Variants in MAP4 observed in about 807,000 individuals in gnomAD.
MAP4 encodes the protein microtubule-associated protein 4.
In MAP4, 76 loss-of-function variants were observed where a neutral mutation model predicts 170.2. The observed-to-expected ratio is 0.45, with a 90% CI of 0.37 to 0.54. MAP4 has a LOEUF of 0.54. Among genes scored for constraint, MAP4 ranks in the 20% least tolerant of loss-of-function variants. The probability of loss-of-function intolerance (pLI) is 0.00; values close to 1 mark genes in which losing one functional copy is unlikely to be tolerated. For synonymous variants in MAP4, 909 were observed against 994.5 expected, an observed-to-expected ratio of 0.91 and a Z score of 1.62; for missense variants, 2,506 against 2,748.0, an observed-to-expected ratio of 0.91 and a Z score of 1.97.
At chr3:47,992,903 TAA>T (rs79093019) in intron 2 of MAP4, among the ~76,000 whole-genome samples, 36 of 117,706 alleles carry the variant, frequency 3.1e-4, no homozygotes, top group Admixed American at 2.7e-4. Flanking sequence ...CACTCCATCT[TAA>T]AAAAAAAAAA....
intron 2 of MAP4, among the ~76,000 whole-genome samples, chr3:47,988,201 A>T (rs1430172673): frequency 1.3e-5 from 2 of 151,990 alleles, no homozygotes; most frequent in African/African-American, 4.8e-5. Flanking sequence ...CTCAAAAAAA[A>T]AAAAAAAGAA....
chr3:48,078,997 G>A (rs2100145240), intron 1 of MAP4, among the ~76,000 whole-genome samples: 2 of 151,668 alleles, frequency 1.3e-5, no homozygotes, highest in Non-Finnish European at 2.9e-5. Context: ...ATGGTGAAAC[G>A]CTGTCTCTAC....
chr3:47,950,323 T>A (rs2100062888), intron 3 of MAP4, among the ~76,000 whole-genome samples: 1 of 152,116 alleles, frequency 6.6e-6, no homozygotes, highest in Admixed American at 6.5e-5. Flanking sequence ...GTACAAAAAG[T>A]AGGGTGATCT....
In MAP4 at chr3:47,928,335, A is replaced by G. The variant is rs745834831; in HGVS notation, c.308T>C (p.Phe103Ser). Residue 103 changes from phenylalanine to serine, a missense_variant, in exon 4 of 21, where the codon TTC becomes TCC. This residue lies in a region of MAP4 where 2,008 missense variants were observed against 2,206.0 expected (regional missense o/e 0.91). Coordinates refer to ENST00000683076, the MANE Select transcript of MAP4 (RefSeq NM_001385682.1). Reference sequence around the variant, plus strand: ...CTGGTAGGCCATTTTCTCTTCAAGGAATTCAGTTGGAGACCCTTAAAATAG... The same window carrying G: ...CTGGTAGGCCATTTTCTCTTCAAGGGATTCAGTTGGAGACCCTTAAAATAG... ...GSDTTGSPTE[F>S]LEEKMAYQEY... is the part of the protein sequence containing the mutation. 36 of 1,613,992 alleles carry G rather than the reference A, an allele frequency of 2.2e-5. No homozygotes were observed. The highest frequency in any genetic ancestry group is 3.0e-5 in the Non-Finnish European group (35 of 1,180,004).
chr3:47,991,533 G>A (rs1184655585), intron 2 of MAP4, among the ~76,000 whole-genome samples: 7 of 152,122 alleles, frequency 4.6e-5, no homozygotes, highest in Non-Finnish European at 8.8e-5. Flanking sequence ...CAAGGCACGC[G>A]CACCTGTAGT....
intron 17 of MAP4, among the ~76,000 whole-genome samples, chr3:47,858,024 T>A (rs536945433): frequency 9.0e-4 from 133 of 148,184 alleles, no homozygotes; most frequent in African/African-American, 3.1e-3. Flanking sequence ...GCCTTCACTT[T>A]TTTTTTTTTT....
At chr3:48,064,122 C>T (rs934703596) in intron 1 of MAP4, among the ~76,000 whole-genome samples, 6 of 152,222 alleles carry the variant, frequency 3.9e-5, no homozygotes, top group Admixed American at 3.9e-4. Flanking sequence ...GGGGACTAGA[C>T]TGCCTTTGCA....
intron 3 of MAP4, among the ~76,000 whole-genome samples, chr3:47,971,967 A>T (rs1329592067): frequency 2.0e-5 from 3 of 152,216 alleles, no homozygotes; most frequent in African/African-American, 7.2e-5. Context: ...TAGGGTATGT[A>T]TAAGAAAGTT....
At position 47,891,748 on chromosome 3, in the gene MAP4, G is replaced by A. The variant is rs924235213; in HGVS notation, c.5434+11202C>T. The A allele has an allele frequency of 7.8e-6, 12 of 1,536,562 alleles. No homozygotes were observed. In the African/African-American group the frequency reaches 1.5e-4, roughly 19 times the overall value. ...CCATAGTGATTGGCGGAATGGTGGT[G>A]GGTGAATGCTCAATAATGGGGGCTG... On this transcript the variant is annotated intron_variant, in intron 10 of 20. Coordinates refer to ENST00000683076, the MANE Select transcript of MAP4 (RefSeq NM_001385682.1).
rs1237311700 is a variant in MAP4 at position 47,918,761 on chromosome 3, C to A, written c.610G>T (p.Val204Phe). The A allele has an allele frequency of 6.2e-7, 1 of 1,611,690 alleles. No homozygotes were observed. Among genetic ancestry groups the A allele is most frequent in the African/African-American group, 1.3e-5 (1 of 74,844 alleles). ...ALNSPHSESF[V>F]SPEAVAEPPQ... ...GGTTCTGCAACAGCCTCTGGGGAAACAAAGGACTCTGAGTGTGGAGAGTTT... is the reference window on the plus strand; with the variant it reads ...GGTTCTGCAACAGCCTCTGGGGAAAAAAAGGACTCTGAGTGTGGAGAGTTT... Residue 204 changes from valine to phenylalanine, a missense_variant, in exon 6 of 21, where the codon GTT (valine) becomes TTT (phenylalanine). Val to Phe is a conservative substitution (Grantham distance 50). Transcript: ENST00000683076.
At chr3:48,033,114 A>T (rs1159845377) in intron 1 of MAP4, among the ~76,000 whole-genome samples, 3 of 152,234 alleles carry the variant, frequency 2.0e-5, no homozygotes, top group Non-Finnish European at 4.4e-5. Context: ...GTTCAAAGTC[A>T]TCCCTGAGTT....
chr3:48,074,899 G>A (rs1042384777), intron 1 of MAP4, among the ~76,000 whole-genome samples: 9 of 152,004 alleles, frequency 5.9e-5, no homozygotes, highest in Non-Finnish European at 1.2e-4. Flanking sequence ...TCATGAAGTG[G>A]AAGATCTGAC....
At chr3:48,071,009 A>G (rs1163719671) in intron 1 of MAP4, among the ~76,000 whole-genome samples, 6 of 152,100 alleles carry the variant, frequency 3.9e-5, no homozygotes, top group African/African-American at 1.4e-4. Flanking sequence ...TGGGTGACAG[A>G]GTGGGACCTT....
chr3:47,984,023 G>A (rs983075469), intron 2 of MAP4, among the ~76,000 whole-genome samples: 2 of 151,970 alleles, frequency 1.3e-5, no homozygotes, highest in African/African-American at 2.4e-5. Context: ...CCAGTGAAGG[G>A]CATAAATAAT....
chr3:47,944,818 T>C (rs1293551166), intron 3 of MAP4, among the ~76,000 whole-genome samples: 2 of 151,866 alleles, frequency 1.3e-5, no homozygotes, highest in Non-Finnish European at 2.9e-5. Flanking sequence ...ATTTAGATTC[T>C]AATTCTAACG....
At chr3:47,862,408 CTTAAGA>C (rs1210927547) in intron 17 of MAP4, among the ~76,000 whole-genome samples, 2 of 135,656 alleles carry the variant, frequency 1.5e-5, no homozygotes, top group Non-Finnish European at 3.1e-5. Flanking sequence ...GTAAAAACAG[CTTAAGA>C]TTAAAAGAGT....
intron 3 of MAP4, among the ~76,000 whole-genome samples, chr3:47,941,075 T>C (rs2100055994): frequency 6.6e-6 from 1 of 151,600 alleles, no homozygotes; most frequent in Non-Finnish European, 1.5e-5. Flanking sequence ...GACGGGGTTT[T>C]ACCATGCTGG....
intron 3 of MAP4, among the ~76,000 whole-genome samples, chr3:47,929,399 C>A (rs956650505): frequency 6.6e-6 from 1 of 151,910 alleles, no homozygotes; most frequent in African/African-American, 2.4e-5. Flanking sequence ...AGAACAGGTT[C>A]AGAACGTGGT....
intron 1 of MAP4, among the ~76,000 whole-genome samples, chr3:48,046,676 T>A (rs1305244412): frequency 6.6e-6 from 1 of 152,214 alleles, no homozygotes; most frequent in African/African-American, 2.4e-5. Context: ...CCAGCTAGTA[T>A]AATGGTCAAA....
Sources: allele counts gnomAD v4.1 joint callset (sites outside exome capture counted in the v4.1 genomes callset), GRCh38; gene constraint gnomAD v4.1.1; regional missense constraint gnomAD v4.1.1; transcripts MANE v1.5; gene names NCBI Gene and HGNC (gene_info 2026-07-23, HGNC 2026-07-21).